The following TENM3 variants were observed in gnomAD, a reference collection of about 807,000 sequenced individuals.
TENM3 encodes teneurin-3.
Under a neutral mutation model 255.1 loss-of-function variants are expected in TENM3, and 63 were observed. The ratio of observed to expected loss-of-function variants is 0.25; its 90% CI spans 0.20 to 0.30. TENM3 has a LOEUF of 0.30. Ranked by LOEUF, TENM3 falls within the 10% of genes least tolerant of loss-of-function variation. TENM3 has a pLI of 1.00. For missense variants in TENM3, 2,929 were observed against 3,461.1 expected, an observed-to-expected ratio of 0.85 and a Z score of 3.86; for synonymous variants, 1,306 against 1,322.3, an observed-to-expected ratio of 0.99 and a Z score of 0.27.
Position 182,688,405 on chromosome 4 carries a change from A to G in TENM3, c.2221+54A>G, listed in dbSNP as rs926507893. On this transcript the variant is annotated intron_variant, in intron 12 of 27. Coordinates refer to ENST00000511685, the MANE Select transcript of TENM3 (RefSeq NM_001080477.4). ...CCCTTCCTCCCAGAGAAGAGCACCGACGGTCAGCTGTTTTCAACTTGGAAA... is the reference window on the plus strand; with the variant it reads ...CCCTTCCTCCCAGAGAAGAGCACCGGCGGTCAGCTGTTTTCAACTTGGAAA... The G allele has an allele frequency of 9.5e-6, 13 of 1,361,262 alleles. No homozygotes were observed. In the Admixed American group the frequency reaches 3.7e-4, roughly 39 times the overall value. The allele number at this position is 1,361,262 out of a possible 1,614,324, so 84.3% of individuals were successfully genotyped here. A position where few individuals can be genotyped will look rare whatever the true frequency, so the allele number is the denominator to read the frequency against.
intron 3 of TENM3, among the ~76,000 whole-genome samples, chr4:182,550,897 C>T (rs1741932860): frequency 6.6e-6 from 1 of 151,982 alleles, no homozygotes; most frequent in East Asian, 1.9e-4. Flanking sequence ...GGGAGTAAAC[C>T]AGTTGGGAGA....
chr4:182,798,127 G>A (rs1766631393), intron 27 of TENM3, among the ~76,000 whole-genome samples: 1 of 151,804 alleles, frequency 6.6e-6, no homozygotes, highest in African/African-American at 2.4e-5. Flanking sequence ...CCCACCTCAG[G>A]CTCCCAAGTA....
At chr4:181,869,004 A>G in the TENM3 span, among the ~76,000 whole-genome samples, 2 of 148,722 alleles carry the variant, frequency 1.3e-5, no homozygotes, top group Non-Finnish European at 3.0e-5. Context: ...TAAATTTCCA[A>G]AAAAAAAAAC....
the TENM3 span, among the ~76,000 whole-genome samples, chr4:181,946,240 CT>C: frequency 6.6e-6 from 1 of 152,160 alleles, no homozygotes; most frequent in African/African-American, 2.4e-5. Context: ...TATTTACCAG[CT>C]ACTGCTCAGT....
the TENM3 span, among the ~76,000 whole-genome samples, chr4:181,524,495 T>G: frequency 6.6e-6 from 1 of 152,204 alleles, no homozygotes; most frequent in Non-Finnish European, 1.5e-5. Flanking sequence ...GGCTATTTGA[T>G]TAATCAGTTC....
In TENM3 at chr4:182,731,125, A is replaced by G. The variant is rs766362214; in HGVS notation, c.2953A>G (p.Ile985Val). The G allele has an allele frequency of 3.7e-6, 6 of 1,613,616 alleles. No individual in the cohort carries two copies. Among genetic ancestry groups the G allele is most frequent in the Non-Finnish European group, 5.1e-6 (6 of 1,179,776 alleles). Reference protein sequence around the residue: ...FRSSPEDSPIIPETQVLHEET... With the variant: ...FRSSPEDSPIVPETQVLHEET... ...ATCTTCTCCTGAAGACAGTCCCATC[A>G]TTCCCGAAACACAGGTAAAATATTC... Residue 985 changes from isoleucine (I) to valine (V), a missense_variant, in exon 16 of 28, where the codon ATT becomes GTT. Coordinates refer to ENST00000511685, the MANE Select transcript of TENM3 (RefSeq NM_001080477.4).
the TENM3 span, among the ~76,000 whole-genome samples, chr4:181,941,408 T>A: frequency 3.9e-5 from 6 of 152,276 alleles, no homozygotes; most frequent in East Asian, 1.2e-3. Context: ...ATATCCCTTT[T>A]AAATTACAGT....
chr4:181,848,515 CACAA>C, the TENM3 span, among the ~76,000 whole-genome samples: 3 of 152,040 alleles, frequency 2.0e-5, no homozygotes, highest in African/African-American at 7.2e-5. Flanking sequence ...ATCATGTGTC[CACAA>C]ACAGTGTTCT....
At chr4:182,422,876 T>A (rs981290550) in intron 3 of TENM3, among the ~76,000 whole-genome samples, 66 of 152,204 alleles carry the variant, frequency 4.3e-4, no homozygotes, top group African/African-American at 1.5e-3. Context: ...TGTTGCCCCC[T>A]TCTTCCAGAT....
intron 1 of TENM3, among the ~76,000 whole-genome samples, chr4:182,155,509 A>T (rs1175806666): frequency 1.3e-5 from 2 of 152,088 alleles, no homozygotes; most frequent in African/African-American, 4.8e-5. Context: ...AAACTATTTA[A>T]AAGATTATTT....
chr4:182,732,610 GAGC>G (rs1010521675), intron 16 of TENM3, among the ~76,000 whole-genome samples: 2 of 152,114 alleles, frequency 1.3e-5, no homozygotes, highest in Non-Finnish European at 2.9e-5. Context: ...AGGATGGATC[GAGC>G]CCAGGAATTT....
At chr4:181,527,565 G>T in the TENM3 span, among the ~76,000 whole-genome samples, 1 of 151,016 alleles carries the variant, frequency 6.6e-6, no homozygotes, top group Non-Finnish European at 1.5e-5. Flanking sequence ...AACGGGGTTT[G>T]GCCATGGCCA....
At chr4:181,984,585 T>A in the TENM3 span, among the ~76,000 whole-genome samples, 2 of 151,974 alleles carry the variant, frequency 1.3e-5, no homozygotes, top group African/African-American at 4.8e-5. Flanking sequence ...AAAAAAAGCC[T>A]TTTGCAAAGG....
At chr4:181,682,970 T>C in the TENM3 span, among the ~76,000 whole-genome samples, 3 of 151,686 alleles carry the variant, frequency 2.0e-5, no homozygotes, top group African/African-American at 7.3e-5. Context: ...TCCCAGTGCT[T>C]TGGGAGGCAG....
In TENM3 at chr4:182,650,119, A is replaced by G. The variant is rs767671924; in HGVS notation, c.989-3652A>G. 8.6e-5 allele frequency among the ~76,000 whole-genome samples: 13 copies of G among 150,628 alleles called. 1 individual carries two copies. Among genetic ancestry groups the G allele is most frequent in the Non-Finnish European group, 1.5e-4 (10 of 67,404 alleles). On this transcript the variant is annotated intron_variant, in intron 5 of 27. Transcript: ENST00000511685. The stretch of plus-strand genomic sequence containing the variant: ...AGATTAGAGATAATACCAATGAAGT[A>G]CTAGTACAGTTCCTGACACACAGTG...
chr4:181,737,513 A>G, the TENM3 span, among the ~76,000 whole-genome samples: 1 of 152,158 alleles, frequency 6.6e-6, no homozygotes, highest in East Asian at 1.9e-4. Context: ...TCTTCAGATC[A>G]CAAGACCATA....
the TENM3 span, among the ~76,000 whole-genome samples, chr4:182,003,883 T>C: frequency 6.6e-6 from 1 of 152,100 alleles, no homozygotes; most frequent in Non-Finnish European, 1.5e-5. Flanking sequence ...CAATATATCA[T>C]ATAATTTTAT....
chr4:181,913,482 C>T, the TENM3 span, among the ~76,000 whole-genome samples: 1 of 152,126 alleles, frequency 6.6e-6, no homozygotes, highest in African/African-American at 2.4e-5. Flanking sequence ...CCCAGTAGTC[C>T]CTACTGCTGT....
At chr4:181,825,603 T>C in the TENM3 span, among the ~76,000 whole-genome samples, 1 of 152,112 alleles carries the variant, frequency 6.6e-6, no homozygotes. Flanking sequence ...AATTTGGATA[T>C]TTGGTAAACT....
Sources: allele counts gnomAD v4.1 joint callset (sites outside exome capture counted in the v4.1 genomes callset), GRCh38; gene constraint gnomAD v4.1.1; transcripts MANE v1.5; gene names NCBI Gene and HGNC (gene_info 2026-07-23, HGNC 2026-07-21).